The following HDAC9 variants were observed in gnomAD, a reference collection of about 807,000 sequenced individuals.
HDAC9 encodes histone deacetylase 9, also known as MEF-2 interacting transcription repressor (MITR) protein.
In HDAC9, 41 loss-of-function variants were observed where a neutral mutation model predicts 139.4. That is an observed-to-expected ratio of 0.29 (90% CI 0.23 to 0.38). HDAC9 has a LOEUF of 0.38. Among genes scored for constraint, HDAC9 ranks in the 10% least tolerant of loss-of-function variants. The pLI is 1.00. For synonymous variants in HDAC9, 517 were observed against 476.2 expected (o/e 1.09, Z -1.12); for missense variants, 1,147 against 1,297.0 (o/e 0.88, Z 1.78).
chr7:18,530,949 G>A (rs959365617), intron 2 of HDAC9, among the ~76,000 whole-genome samples: 3 of 151,676 alleles, frequency 2.0e-5, no homozygotes, highest in Non-Finnish European at 2.9e-5. Flanking sequence ...GCTTCAGCCC[G>A]ACTCGTTTCA....
chr7:18,667,518 T>C, intron 12 of HDAC9: 1 of 984,718 alleles, frequency 1.0e-6, no homozygotes, highest in Non-Finnish European at 1.2e-6. Flanking sequence ...TCAGGAGGAC[T>C]ATGTCCTTTG....
At chr7:18,538,674 C>G (rs1382142977) in intron 2 of HDAC9, among the ~76,000 whole-genome samples, 1 of 152,104 alleles carries the variant, frequency 6.6e-6, no homozygotes, top group Non-Finnish European at 1.5e-5. Context: ...ATTATGCTTG[C>G]AATAGCATAG....
chr7:18,878,274 C>T (rs918548579), intron 22 of HDAC9, among the ~76,000 whole-genome samples: 3 of 152,060 alleles, frequency 2.0e-5, no homozygotes, highest in Admixed American at 6.6e-5. Flanking sequence ...TACATGCGTT[C>T]ACTGCTTTTG....
At chr7:18,355,708 C>T (rs1310480953) in intron 1 of HDAC9, among the ~76,000 whole-genome samples, 1 of 152,056 alleles carries the variant, frequency 6.6e-6, no homozygotes, top group Non-Finnish European at 1.5e-5. Context: ...GGTACTTTTC[C>T]CCAGAGTTTG....
intron 22 of HDAC9, among the ~76,000 whole-genome samples, chr7:18,923,525 C>T (rs1379059491): frequency 6.6e-6 from 1 of 151,992 alleles, no homozygotes; most frequent in African/African-American, 2.4e-5. Flanking sequence ...TTTGATCTCC[C>T]CACCCTGAAT....
chr7:18,193,188 C>T (rs951567443), intron 2 of HDAC9, among the ~76,000 whole-genome samples: 1 of 151,960 alleles, frequency 6.6e-6, no homozygotes, highest in Non-Finnish European at 1.5e-5. Flanking sequence ...GCTTGTAATA[C>T]CAAGGGGAAA....
rs550416538 is a variant in HDAC9 at position 18,371,116 on chromosome 7, G to A, written c.-42+80601G>A. Among the ~76,000 whole-genome samples the A allele has an allele frequency of 2.6e-5, 4 of 152,246 alleles. No individual in the cohort carries two copies. In the South Asian group the frequency reaches 8.3e-4, roughly 32 times the overall value. ...TTATATTGAATTATGTGTGGAAAGGGGTAGGCTGCATACTTCAGAATCTTG... is the reference window on the plus strand; with the variant it reads ...TTATATTGAATTATGTGTGGAAAGGAGTAGGCTGCATACTTCAGAATCTTG... On this transcript the variant is annotated intron_variant, in intron 1 of 3. Coordinates refer to the HDAC9 transcript ENST00000413509.
At chr7:18,913,458 A>G (rs567917868) in intron 22 of HDAC9, among the ~76,000 whole-genome samples, 7 of 152,134 alleles carry the variant, frequency 4.6e-5, no homozygotes, top group East Asian at 1.9e-4. Context: ...TTACAGTCCA[A>G]AATTCTAAGG....
At chr7:18,706,721 CT>C (rs1282822722) in intron 12 of HDAC9, among the ~76,000 whole-genome samples, 1 of 152,114 alleles carries the variant, frequency 6.6e-6, no homozygotes, top group Non-Finnish European at 1.5e-5. Flanking sequence ...GTAAAGGGTG[CT>C]GCTAAACATC....
At chr7:18,358,801 C>T (rs925722316) in intron 1 of HDAC9, among the ~76,000 whole-genome samples, 5 of 152,196 alleles carry the variant, frequency 3.3e-5, no homozygotes, top group African/African-American at 1.2e-4. Context: ...ACTTTAGACA[C>T]CTGTCCCCTC....
upstream of HDAC9, among the ~76,000 whole-genome samples, chr7:18,286,652 G>A (rs1797473260): frequency 6.6e-6 from 1 of 151,574 alleles, no homozygotes; most frequent in African/African-American, 2.4e-5. Flanking sequence ...TAAAAAGAGA[G>A]GTTTAATAAA....
chr7:18,628,787 T>G (rs986228536), intron 6 of HDAC9, among the ~76,000 whole-genome samples: 3 of 152,180 alleles, frequency 2.0e-5, no homozygotes, highest in Non-Finnish European at 2.9e-5. Context: ...CTAGTTGGTT[T>G]GGTGTCATTA....
At chr7:18,259,792 C>T (rs923507256) in intron 2 of HDAC9, among the ~76,000 whole-genome samples, 3 of 152,100 alleles carry the variant, frequency 2.0e-5, no homozygotes. Context: ...CTTTCGAGCC[C>T]ACTTTTATTG....
At chr7:18,106,539 G>A (rs1427615855) in intron 1 of HDAC9, among the ~76,000 whole-genome samples, 2 of 151,706 alleles carry the variant, frequency 1.3e-5, no homozygotes, top group Non-Finnish European at 2.9e-5. Context: ...TGCAACCTCC[G>A]CCTCCCAGGT....
intron 8 of HDAC9, 129 bp from the exon 9 acceptor site, chr7:18,644,542 T>C (rs972926345): frequency 1.7e-5 from 11 of 645,920 alleles, no homozygotes; most frequent in East Asian, 9.7e-5. Context: ...CTTTTGGATA[T>C]AGAAGTCATA....
intron 22 of HDAC9, among the ~76,000 whole-genome samples, chr7:18,921,080 A>G (rs962976446): frequency 2.0e-5 from 3 of 152,170 alleles, no homozygotes; most frequent in Non-Finnish European, 2.9e-5. Flanking sequence ...ACAAAAATCA[A>G]TTCAAGATGG....
chr7:18,714,038 C>T lies in HDAC9; in HGVS notation c.1732-13542C>T, dbSNP rs558257876. Among the ~76,000 whole-genome samples the T allele has an allele frequency of 2.0e-5, 3 of 152,192 alleles. No homozygotes were observed. The South Asian group carries it at 6.2e-4, about 32-fold the overall frequency. Reference sequence around the variant, plus strand: ...TAGATTAGTCTTTTTTGCAGATAAACCACTTATTCTGGAAGAAAAAGTGCT... The same window carrying T: ...TAGATTAGTCTTTTTTGCAGATAAATCACTTATTCTGGAAGAAAAAGTGCT... On this transcript the variant is annotated intron_variant, in intron 12 of 25. Transcript: ENST00000686413.
chr7:18,926,918 A>C (rs963575011), intron 22 of HDAC9, among the ~76,000 whole-genome samples: 1 of 152,184 alleles, frequency 6.6e-6, no homozygotes, highest in African/African-American at 2.4e-5. Context: ...TGCAGTATTT[A>C]TAGGGCTGCT....
chr7:18,373,476 G>A (rs1038590073), intron 1 of HDAC9, among the ~76,000 whole-genome samples: 4 of 152,164 alleles, frequency 2.6e-5, no homozygotes, highest in African/African-American at 9.7e-5. Context: ...TATATTTGGA[G>A]GGTCTTAGCA....
Sources: gnomAD v4.1 joint callset for allele counts (sites outside exome capture counted in the v4.1 genomes callset) on GRCh38, gnomAD v4.1.1 for gene constraint, MANE v1.5 for transcripts, NCBI Gene and HGNC (gene_info 2026-07-23, HGNC 2026-07-21) for gene names.